CERT1: variants seen among roughly 807,000 people sequenced by gnomAD.
The protein encoded by CERT1 is ceramide transfer protein.
In CERT1, 31 loss-of-function variants were observed where a neutral mutation model predicts 87.9. The ratio of observed to expected loss-of-function variants is 0.35; its 90% CI spans 0.27 to 0.48. CERT1 has a LOEUF of 0.48. Ranked by LOEUF, CERT1 falls within the 20% of genes least tolerant of loss-of-function variation. The probability of loss-of-function intolerance (pLI) is 0.99; values close to 1 mark genes in which losing one functional copy is unlikely to be tolerated. For missense variants in CERT1, 487 were observed against 758.0 expected (o/e 0.64, Z 4.20); for synonymous variants, 289 against 250.9 (o/e 1.15, Z -1.44).
Position 75,511,524 on chromosome 5 carries a change from T to C in CERT1, c.-317A>G. ...TAGCCCCCTCGATGCCAATTTCAAA[T>C]AGGGAAGGAAAAGGGAAAAGAAGGG... is the stretch of plus-strand genomic sequence containing the variant. On this transcript the variant is annotated 5_prime_UTR_variant, in exon 1 of 17. Transcript: ENST00000643780. 2 of 1,467,998 alleles carry C rather than the reference T, an allele frequency of 1.4e-6. No individual in the cohort carries two copies. Among genetic ancestry groups the C allele is most frequent in the East Asian group, 2.5e-5 (1 of 40,018 alleles). The allele number at this position is 1,467,998 out of a possible 1,614,324, so 90.9% of individuals were successfully genotyped here.
At chr5:75,457,738 C>A (rs1765047409) in intron 3 of CERT1, among the ~76,000 whole-genome samples, 1 of 151,766 alleles carries the variant, frequency 6.6e-6, no homozygotes, top group Non-Finnish European at 1.5e-5. Flanking sequence ...TCAGGTGAGA[C>A]TGGTTTTTCT....
At chr5:75,391,432 G>T (rs892440719) in intron 11 of CERT1, among the ~76,000 whole-genome samples, 7 of 152,194 alleles carry the variant, frequency 4.6e-5, no homozygotes, top group African/African-American at 1.7e-4. Flanking sequence ...ATCTACTTTT[G>T]TACTAAATAA....
intron 12 of CERT1, among the ~76,000 whole-genome samples, chr5:75,386,602 T>C (rs948621195): frequency 3.3e-5 from 5 of 152,242 alleles, no homozygotes; most frequent in African/African-American, 9.6e-5. Flanking sequence ...TTTGCTACTT[T>C]AGATAATTAT....
Position 75,511,386 on chromosome 5 carries a change from C to G in CERT1, c.-179G>C, listed in dbSNP as rs778363307. 1 of 1,546,496 alleles carries G rather than the reference C, an allele frequency of 6.5e-7. No individual in the cohort carries two copies. Among genetic ancestry groups the G allele is most frequent in the Non-Finnish European group, 8.7e-7 (1 of 1,145,806 alleles). On this transcript the variant is annotated 5_prime_UTR_variant, in exon 1 of 17. Coordinates refer to ENST00000643780, the MANE Select transcript of CERT1 (RefSeq NM_001379029.1). ...GCCGCGCCGCCGCCGCGCCTGACACCGAGCGGAGCGAGGAAGGAGGACGAG... is the reference window on the plus strand; with the variant it reads ...GCCGCGCCGCCGCCGCGCCTGACACGGAGCGGAGCGAGGAAGGAGGACGAG...
At chr5:75,439,386 G>C (rs888428814) in intron 3 of CERT1, among the ~76,000 whole-genome samples, 2 of 151,796 alleles carry the variant, frequency 1.3e-5, no homozygotes, top group Non-Finnish European at 2.9e-5. Flanking sequence ...AAAAAAAATA[G>C]CACTTGCCTT....
chr5:75,437,775 A>G (rs1464141245), intron 3 of CERT1, among the ~76,000 whole-genome samples: 1 of 149,454 alleles, frequency 6.7e-6, no homozygotes, highest in Non-Finnish European at 1.5e-5. Flanking sequence ...CATTAAAAAA[A>G]AAAAAAAAAA....
intron 3 of CERT1, among the ~76,000 whole-genome samples, chr5:75,453,869 G>T (rs1218314087): frequency 6.6e-6 from 1 of 152,044 alleles, no homozygotes; most frequent in Non-Finnish European, 1.5e-5. Context: ...GCGTGAATGT[G>T]CATGTGTGAA....
intron 3 of CERT1, among the ~76,000 whole-genome samples, chr5:75,431,688 T>C (rs571356164): frequency 1.3e-5 from 2 of 152,354 alleles, no homozygotes; most frequent in East Asian, 1.9e-4. Context: ...GATCCTGCAT[T>C]AGTTTACTAA....
intron 2 of CERT1, among the ~76,000 whole-genome samples, chr5:75,486,221 T>C (rs1395039227): frequency 1.3e-5 from 2 of 152,114 alleles, no homozygotes; most frequent in Non-Finnish European, 2.9e-5. Flanking sequence ...ACGTGGTACA[T>C]TATATCCACA....
intron 1 of CERT1, among the ~76,000 whole-genome samples, chr5:75,508,238 C>T (rs1767748185): frequency 6.6e-6 from 1 of 152,186 alleles, no homozygotes; most frequent in African/African-American, 2.4e-5. Context: ...GTTACTTATT[C>T]TCTTTGTGTT....
At chr5:75,396,587 G>A (rs1762262956) in intron 11 of CERT1, among the ~76,000 whole-genome samples, 1 of 151,900 alleles carries the variant, frequency 6.6e-6, no homozygotes, top group Non-Finnish European at 1.5e-5. Flanking sequence ...AAATTAGCTG[G>A]GTGTGGTGGC....
rs530769489 is a variant in CERT1 at position 75,389,050 on chromosome 5, G to A, written c.1284+542C>T. ...GGAATGAGAAAATCCAAAATTCAAT[G>A]TTGCTTTTGCTTTTCAATCCATCTC... On this transcript the variant is annotated intron_variant, in intron 12 of 16. Coordinates refer to ENST00000643780, the MANE Select transcript of CERT1 (RefSeq NM_001379029.1). Among the ~76,000 whole-genome samples, 4 of 152,226 alleles carry A rather than the reference G, an allele frequency of 2.6e-5. No homozygotes were observed. The East Asian group carries it at 7.7e-4, about 29-fold the overall frequency.
At position 75,511,331 on chromosome 5, in the gene CERT1, G is replaced by C. The variant is rs1249931773; in HGVS notation, c.-124C>G. ...CGAAGAGTGCCCGCTCCGGTGTGGG[G>C]GGGAGCAGGAGGAGGGACGAAGTCC... On this transcript the variant is annotated 5_prime_UTR_variant, in exon 1 of 17. Coordinates refer to ENST00000643780, the MANE Select transcript of CERT1 (RefSeq NM_001379029.1). 3.9e-5 allele frequency: 61 copies of C among 1,546,950 alleles called. No homozygotes were observed. The highest frequency in any genetic ancestry group is 4.6e-5 in the Non-Finnish European group (53 of 1,146,364).
intron 12 of CERT1, among the ~76,000 whole-genome samples, chr5:75,388,416 C>G (rs1761886211): frequency 6.6e-6 from 1 of 151,492 alleles, no homozygotes; most frequent in South Asian, 2.1e-4. Flanking sequence ...TCCTAAAATG[C>G]CCTCACCTCA....
intron 2 of CERT1, among the ~76,000 whole-genome samples, chr5:75,473,045 T>C (rs1765785681): frequency 6.6e-6 from 1 of 152,078 alleles, no homozygotes; most frequent in South Asian, 2.1e-4. Flanking sequence ...AAAGAAAATA[T>C]AGTATATGAA....
Position 75,432,048 on chromosome 5 carries a change from T to TC in CERT1, c.349-5571dup, listed in dbSNP as rs1286920751. ...GTTCCCACCAGCAGTGTATAAACATTCCCCCCCCCTTTTTTTTTTTTGAGA... is the reference window on the plus strand; with the variant it reads ...GTTCCCACCAGCAGTGTATAAACATTCCCCCCCCCCTTTTTTTTTTTTGAGA... On this transcript the variant is annotated intron_variant, in intron 3 of 16. Transcript: ENST00000643780. 6.9e-3 allele frequency among the ~76,000 whole-genome samples: 1,000 copies of TC among 144,524 alleles called. 9 individuals carry two copies. Among genetic ancestry groups the TC allele is most frequent in the African/African-American group, 0.018 (675 of 37,958 alleles). 94.8% of individuals were successfully genotyped at this position (144,524 alleles called of 152,430 possible). A position where few individuals can be genotyped will look rare whatever the true frequency, so the allele number is the denominator to read the frequency against.
intron 9 of CERT1, chr5:75,401,423 A>G (rs1191052135): frequency 6.6e-6 from 1 of 152,214 alleles, no homozygotes; most frequent in Non-Finnish European, 1.5e-5. Flanking sequence ...GAATTCAGTG[A>G]TAAGTTCATA....
At chr5:75,507,429 C>G (rs184474209) in intron 1 of CERT1, among the ~76,000 whole-genome samples, 181 of 152,104 alleles carry the variant, frequency 1.2e-3, no homozygotes, top group African/African-American at 4.3e-3. Context: ...TTTTCTAAGC[C>G]CCATCATTAC....
intron 2 of CERT1, among the ~76,000 whole-genome samples, chr5:75,461,180 T>C (rs1301821510): frequency 6.6e-6 from 1 of 152,182 alleles, no homozygotes; most frequent in Non-Finnish European, 1.5e-5. Flanking sequence ...GTCCATGGGC[T>C]GTTAGTAACT....
Sources: allele counts gnomAD v4.1 joint callset (sites outside exome capture counted in the v4.1 genomes callset), GRCh38; gene constraint gnomAD v4.1.1; transcripts MANE v1.5; gene names NCBI Gene and HGNC (gene_info 2026-07-23, HGNC 2026-07-21).